The following DNAH7 variants were observed in gnomAD, a reference collection of about 807,000 sequenced individuals.
DNAH7 encodes dynein axonemal heavy chain 7.
Under a neutral mutation model 444.6 loss-of-function variants are expected in DNAH7, and 397 were observed. The observed-to-expected ratio is 0.89, with a 90% CI of 0.82 to 0.97. The LOEUF (loss-of-function observed/expected upper bound fraction) is 0.97, where lower values mean the gene tolerates loss of function less well. DNAH7 is among the 50% of genes least tolerant of loss of function. The pLI, the probability that DNAH7 is intolerant of heterozygous loss-of-function variation, is 0.00. For synonymous variants in DNAH7, 1,636 were observed against 1,624.4 expected, an observed-to-expected ratio of 1.01 and a Z score of -0.17; for missense variants, 4,902 against 4,800.8, an observed-to-expected ratio of 1.02 and a Z score of -0.62.
At chr2:195,744,108 G>A (rs974880293) in intron 63 of DNAH7, among the ~76,000 whole-genome samples, 16 of 152,234 alleles carry the variant, frequency 1.1e-4, no homozygotes, top group African/African-American at 3.6e-4. Context: ...CCCTTTCCTA[G>A]TCAAAGAAAG....
At chr2:195,749,148 A>C (rs1183888540) in intron 63 of DNAH7, among the ~76,000 whole-genome samples, 8 of 152,198 alleles carry the variant, frequency 5.3e-5, no homozygotes, top group Non-Finnish European at 1.2e-4. Flanking sequence ...AGAAAAAAAC[A>C]ACCCCATCAA....
chr2:195,784,280 G>A (rs1695513310), intron 58 of DNAH7, among the ~76,000 whole-genome samples: 2 of 151,784 alleles, frequency 1.3e-5, no homozygotes, highest in East Asian at 3.9e-4. Flanking sequence ...CCTAAGCCTT[G>A]GGAACCAATA....
chr2:196,001,770 A>G lies in DNAH7; in HGVS notation c.1078T>C (p.Phe360Leu), dbSNP rs756602598. The stretch of plus-strand genomic sequence containing the variant: ...ATAAGTGCAGCAGCACAGTTGAAAA[A>G]AGATTCCAATTTGGCACTGCTGTCA... Reference protein sequence around the residue: ...TGDSSAKLESFFNCAAALMTL... With the variant: ...TGDSSAKLESLFNCAAALMTL... Residue 360 changes from phenylalanine (F) to leucine (L), a missense_variant, in exon 11 of 65, where the codon TTT becomes CTT. Coordinates refer to ENST00000312428, the MANE Select transcript of DNAH7 (RefSeq NM_018897.3). The G allele has an allele frequency of 3.7e-6, 6 of 1,613,284 alleles. No homozygotes were observed. The South Asian group carries it at 6.6e-5, about 18-fold the overall frequency.
At chr2:195,778,735 T>TATATATACACATATATATATACACAC (rs1559090035) in intron 58 of DNAH7, among the ~76,000 whole-genome samples, 2 of 137,684 alleles carry the variant, frequency 1.5e-5, no homozygotes, top group South Asian at 2.3e-4. Context: ...TATATACACA[T>TATATATACACATATATATATACACAC]ATATATATAT....
chr2:195,888,571 G>T, intron 32 of DNAH7, 137 bp from the exon 33 acceptor site: 1 of 1,033,336 alleles, frequency 9.7e-7, no homozygotes, highest in Non-Finnish European at 1.4e-6. Context: ...TCATGATGTC[G>T]ATTTTTGTGT....
At chr2:196,007,509 A>G (rs1050232234) in intron 10 of DNAH7, among the ~76,000 whole-genome samples, 1 of 152,206 alleles carries the variant, frequency 6.6e-6, no homozygotes, top group Admixed American at 6.5e-5. Flanking sequence ...GAAAACAGGT[A>G]AATCTTGGTG....
At position 195,990,956 on chromosome 2, in the gene DNAH7, C is replaced by CTTAAATATATATACATATATATAT. The variant is rs1559310650; in HGVS notation, c.1354-2751_1354-2728dup. On this transcript the variant is annotated intron_variant, in intron 12 of 64. Coordinates refer to ENST00000312428, the MANE Select transcript of DNAH7 (RefSeq NM_018897.3). ...ACTTAAATATATATACATATATATA[C>CTTAAATATATATACATATATATAT]TTAAATATATATACATATATATATA... Among the ~76,000 whole-genome samples, 140 of 137,542 alleles carry CTTAAATATATATACATATATATAT rather than the reference C, an allele frequency of 1.0e-3. 1 individual carries two copies. Among genetic ancestry groups the CTTAAATATATATACATATATATAT allele is most frequent in the African/African-American group, 3.7e-3 (133 of 36,234 alleles). 90.2% of individuals were successfully genotyped at this position (137,542 alleles called of 152,430 possible).
intron 55 of DNAH7, among the ~76,000 whole-genome samples, chr2:195,798,157 G>A: frequency 6.6e-6 from 1 of 151,648 alleles, no homozygotes; most frequent in South Asian, 2.1e-4. Flanking sequence ...ATTTTTTTTG[G>A]CCTAGTAAAT....
intron 19 of DNAH7, among the ~76,000 whole-genome samples, chr2:195,953,709 T>C (rs1369072389): frequency 6.6e-6 from 1 of 152,224 alleles, no homozygotes; most frequent in East Asian, 1.9e-4. Flanking sequence ...CTCTACCCAG[T>C]TGGAACTTCC....
intron 18 of DNAH7, 42 bp from the exon 19 acceptor site, chr2:195,957,489 A>G (rs752763946): frequency 1.4e-6 from 2 of 1,435,228 alleles, no homozygotes; most frequent in Admixed American, 5.0e-5. Flanking sequence ...CAGCAAACCA[A>G]GCAAATGTTT....
At chr2:195,803,146 A>T (rs764287315) in intron 54 of DNAH7, among the ~76,000 whole-genome samples, 1 of 152,246 alleles carries the variant, frequency 6.6e-6, no homozygotes, top group Non-Finnish European at 1.5e-5. Context: ...TTTAAAAATT[A>T]ACAAAAAAAC....
chr2:195,852,917 G>C (rs6752175), intron 46 of DNAH7, among the ~76,000 whole-genome samples: 12,739 of 97,634 alleles, frequency 0.13, 950 homozygotes, highest in African/African-American at 0.33. Flanking sequence ...CACACACACA[G>C]AGAGAGAGAG....
At chr2:195,966,591 T>G (rs1274687133) in intron 17 of DNAH7, among the ~76,000 whole-genome samples, 1 of 152,194 alleles carries the variant, frequency 6.6e-6, no homozygotes, top group East Asian at 1.9e-4. Flanking sequence ...ATTTCTCTCT[T>G]TAGCTCTAAT....
At chr2:196,014,016 G>A (rs569418221) in intron 9 of DNAH7, among the ~76,000 whole-genome samples, 56 of 152,262 alleles carry the variant, frequency 3.7e-4, no homozygotes, top group African/African-American at 1.3e-3. Context: ...AACAGAATTC[G>A]AGGCATAGAA....
chr2:195,940,433 A>T (rs1023992619), intron 19 of DNAH7, among the ~76,000 whole-genome samples: 2 of 152,120 alleles, frequency 1.3e-5, no homozygotes, highest in Admixed American at 6.5e-5. Flanking sequence ...GAAAAAGAAA[A>T]CCTAGGCAAT....
At chr2:195,935,155 C>T (rs1184719413) in intron 20 of DNAH7, among the ~76,000 whole-genome samples, 3 of 152,200 alleles carry the variant, frequency 2.0e-5, no homozygotes, top group African/African-American at 7.2e-5. Context: ...GAAGAATCTT[C>T]AAATGCACAA....
chr2:195,824,262 G>A lies in DNAH7; in HGVS notation c.9284C>T (p.Ser3095Leu), dbSNP rs763905160. 6.2e-7 allele frequency: 1 copy of A among 1,611,384 alleles called. No individual in the cohort carries two copies. Among genetic ancestry groups the A allele is most frequent in the Non-Finnish European group, 8.5e-7 (1 of 1,178,528 alleles). Residue 3095 changes from serine (S) to leucine (L), a missense_variant, in exon 49 of 65, where the codon TCA becomes TTA. By Grantham distance (145) the Ser-to-Leu change is moderately radical. Coordinates refer to ENST00000312428, the MANE Select transcript of DNAH7 (RefSeq NM_018897.3). ...LRNPHYLPET[S>L]VKVTLLNFMI... is the part of the protein sequence containing the mutation. ...TTCATTTTATATACTGGCCTTTACT[G>A]ATGTTTCAGGAAGATAATGAGGATT...
intron 44 of DNAH7, among the ~76,000 whole-genome samples, chr2:195,856,724 T>C (rs1232941739): frequency 6.6e-6 from 1 of 152,234 alleles, no homozygotes; most frequent in African/African-American, 2.4e-5. Flanking sequence ...CCAGTGGTTT[T>C]TAAAGTGTGG....
At chr2:195,913,462 GAT>G (rs1687479661) in intron 24 of DNAH7, among the ~76,000 whole-genome samples, 1 of 152,070 alleles carries the variant, frequency 6.6e-6, no homozygotes, top group Non-Finnish European at 1.5e-5. Context: ...CTTAATAAAA[GAT>G]AGGACATGAG....
Sources: gnomAD v4.1 joint callset for allele counts (sites outside exome capture counted in the v4.1 genomes callset) on GRCh38, gnomAD v4.1.1 for gene constraint, MANE v1.5 for transcripts, NCBI Gene and HGNC (gene_info 2026-07-23, HGNC 2026-07-21) for gene names.